Variants in ANO2 observed in about 807,000 individuals in gnomAD.
The protein encoded by ANO2 is anoctamin 2.
ANO2 carries 101 observed loss-of-function variants against 124.2 expected under a neutral mutation model. The ratio of observed to expected loss-of-function variants is 0.81; its 90% CI spans 0.69 to 0.96. ANO2 has a LOEUF of 0.96. ANO2 is among the 40% of genes least tolerant of loss of function. The probability of loss-of-function intolerance (pLI) is 0.00; values close to 1 mark genes in which losing one functional copy is unlikely to be tolerated. For missense variants in ANO2, 1,293 were observed against 1,274.5 expected (o/e 1.01, Z -0.22); for synonymous variants, 486 against 482.5 (o/e 1.01, Z -0.09).
intron 14 of ANO2, among the ~76,000 whole-genome samples, chr12:5,686,454 C>G (rs907121016): frequency 6.6e-6 from 1 of 152,230 alleles, no homozygotes; most frequent in Non-Finnish European, 1.5e-5. Flanking sequence ...AAAGCTGACT[C>G]AATTCCCTCC....
chr12:5,941,127 T>C (rs1665753189), intron 1 of ANO2, among the ~76,000 whole-genome samples: 1 of 152,132 alleles, frequency 6.6e-6, no homozygotes, highest in Admixed American at 6.5e-5. Flanking sequence ...CAACTGCCAT[T>C]GAGTGTGAAG....
intron 3 of ANO2, among the ~76,000 whole-genome samples, chr12:5,882,442 TGGTACC>T (rs1938568551): frequency 3.3e-5 from 5 of 152,190 alleles, no homozygotes; most frequent in African/African-American, 1.2e-4. Context: ...TGGACTTTAA[TGGTACC>T]TTCAAACAGA....
At chr12:5,649,849 T>C (rs557194925) in intron 14 of ANO2, among the ~76,000 whole-genome samples, 1 of 152,102 alleles carries the variant, frequency 6.6e-6, no homozygotes, top group Non-Finnish European at 1.5e-5. Context: ...TTTCACCATA[T>C]TAGCCAGGAT....
chr12:5,696,200 C>T (rs577620423), intron 14 of ANO2, among the ~76,000 whole-genome samples: 2 of 151,984 alleles, frequency 1.3e-5, no homozygotes, highest in African/African-American at 4.8e-5. Flanking sequence ...ATGAACAAAA[C>T]CAAACACTGG....
intron 14 of ANO2, among the ~76,000 whole-genome samples, chr12:5,663,523 T>A (rs1292329493): frequency 6.6e-6 from 1 of 152,046 alleles, no homozygotes; most frequent in Non-Finnish European, 1.5e-5. Context: ...CAAATCCAAC[T>A]AAGACTCAGC....
intron 1 of ANO2, among the ~76,000 whole-genome samples, chr12:5,934,823 T>C (rs982059216): frequency 3.3e-5 from 5 of 152,170 alleles, no homozygotes; most frequent in Admixed American, 3.3e-4. Context: ...ACATCTCCCA[T>C]CTCTTCCTCC....
At chr12:5,774,220 C>A (rs534582972) in intron 10 of ANO2, among the ~76,000 whole-genome samples, 3 of 152,288 alleles carry the variant, frequency 2.0e-5, no homozygotes, top group Non-Finnish European at 2.9e-5. Context: ...TTTGGGAGGG[C>A]AAGGTGGGCG....
Position 5,921,111 on chromosome 12 carries a change from TCTC to T in ANO2, c.460_462del (p.Glu154del), listed in dbSNP as rs763816588. 2 of 1,613,798 alleles carry T rather than the reference TCTC, an allele frequency of 1.2e-6. No homozygotes were observed. Among genetic ancestry groups the T allele is most frequent in the East Asian group, 2.2e-5 (1 of 44,858 alleles). On this transcript the variant is annotated inframe_deletion, in exon 3 of 25. Transcript: ENST00000682330. ...TCAAATTCCTCCCGCTGCTCCTTCC[TCTC>T]CTCCTCCAGGGCATCGAGCGGTCCC...
At chr12:5,713,835 G>C (rs1949911476) in intron 14 of ANO2, among the ~76,000 whole-genome samples, 1 of 152,162 alleles carries the variant, frequency 6.6e-6, no homozygotes, top group African/African-American at 2.4e-5. Context: ...GGACTGAGGG[G>C]AACGAGTGTT....
intron 10 of ANO2, among the ~76,000 whole-genome samples, chr12:5,756,999 C>A (rs1221012663): frequency 2.0e-5 from 3 of 152,208 alleles, no homozygotes; most frequent in Non-Finnish European, 4.4e-5. Context: ...ACTAGGTGTT[C>A]AAGTGAGCAA....
Position 5,921,082 on chromosome 12 carries a change from G to A in ANO2, c.492C>T (p.His164=). 1 of 1,613,472 alleles carries A rather than the reference G, an allele frequency of 6.2e-7. No homozygotes were observed. Among genetic ancestry groups the A allele is most frequent in the Non-Finnish European group, 8.5e-7 (1 of 1,179,524 alleles). ...ERKEQREEFE[H]NLMEAGLELE... ...GCTCCAGTCCAGCCTCCATCAGATT[G>A]TGCTCAAATTCCTCCCGCTGCTCCT... The change falls in exon 3 of 25, where the codon CAC becomes CAT. Residue 164 remains histidine (H), a synonymous_variant. Coordinates refer to ENST00000682330, the MANE Select transcript of ANO2 (RefSeq NM_001364791.2).
intron 10 of ANO2, among the ~76,000 whole-genome samples, chr12:5,775,461 CT>C (rs369913885): frequency 0.014 from 1,875 of 132,656 alleles, 18 homozygotes; most frequent in African/African-American, 0.041. Flanking sequence ...ACCATCAATC[CT>C]TTTTTTTTTT....
chr12:5,776,198 A>G (rs754407467), intron 10 of ANO2, among the ~76,000 whole-genome samples: 2 of 152,204 alleles, frequency 1.3e-5, no homozygotes, highest in Non-Finnish European at 2.9e-5. Flanking sequence ...TGCTATCCAC[A>G]GTACTGACTT....
intron 22 of ANO2, among the ~76,000 whole-genome samples, chr12:5,576,957 G>A (rs1942448521): frequency 6.6e-6 from 1 of 152,038 alleles, no homozygotes; most frequent in South Asian, 2.1e-4. Flanking sequence ...TTATTTGGTG[G>A]GTACTATTAT....
At chr12:5,782,491 G>A (rs1952428444) in intron 10 of ANO2, among the ~76,000 whole-genome samples, 1 of 152,026 alleles carries the variant, frequency 6.6e-6, no homozygotes, top group African/African-American at 2.4e-5. Flanking sequence ...TTTTGCACTT[G>A]TTCAGAGCCA....
At position 5,746,724 on chromosome 12, in the gene ANO2, G is replaced by A. The variant is rs537688185; in HGVS notation, c.1191-2407C>T. On this transcript the variant is annotated intron_variant, in intron 11 of 24. Coordinates refer to ENST00000682330, the MANE Select transcript of ANO2 (RefSeq NM_001364791.2). ...GTAAATCATTGCTCATGGATTAGGT[G>A]ATTCAGAGCCCTGTTAGCACAACGG... is the stretch of plus-strand genomic sequence containing the variant. Among the ~76,000 whole-genome samples, 144 of 152,336 alleles carry A rather than the reference G, an allele frequency of 9.5e-4. 2 individuals are homozygous for A. The highest frequency in any genetic ancestry group is 3.3e-3 in the African/African-American group (138 of 41,582).
chr12:5,797,656 C>G (rs1952905377), intron 10 of ANO2, among the ~76,000 whole-genome samples: 1 of 152,154 alleles, frequency 6.6e-6, no homozygotes, highest in South Asian at 2.1e-4. Context: ...GGGATGACAA[C>G]CACCATCACC....
chr12:5,678,180 C>T (rs1248313185), intron 14 of ANO2, among the ~76,000 whole-genome samples: 1 of 152,184 alleles, frequency 6.6e-6, no homozygotes, highest in African/African-American at 2.4e-5. Context: ...CAGATTTTTA[C>T]ATGTAGGTTC....
At chr12:5,809,384 A>G (rs7301894) in intron 7 of ANO2, among the ~76,000 whole-genome samples, 74,239 of 151,860 alleles carry the variant, frequency 0.49, 19,224 homozygotes, top group South Asian at 0.57. Context: ...CAGGCGGGTA[A>G]GGCCCCAGCT....
Sources: gnomAD v4.1 joint callset for allele counts (sites outside exome capture counted in the v4.1 genomes callset) on GRCh38, gnomAD v4.1.1 for gene constraint, MANE v1.5 for transcripts, NCBI Gene and HGNC (gene_info 2026-07-23, HGNC 2026-07-21) for gene names.